Variants in STAC observed in about 807,000 individuals in gnomAD.
STAC encodes the protein SH3 and cysteine rich domain.
Under a neutral mutation model 48.8 loss-of-function variants are expected in STAC, and 43 were observed. The ratio of observed to expected loss-of-function variants is 0.88; its 90% CI spans 0.69 to 1.14. The LOEUF is 1.14. Among genes scored for constraint, STAC ranks in the 50% most tolerant of loss-of-function variants. The probability of loss-of-function intolerance (pLI) is 0.00; values close to 1 mark genes in which losing one functional copy is unlikely to be tolerated. For missense variants in STAC, 497 were observed against 504.0 expected (o/e 0.99, Z 0.13); for synonymous variants, 193 against 179.5 (o/e 1.07, Z -0.60).
intron 1 of STAC, among the ~76,000 whole-genome samples, chr3:36,400,748 C>T (rs913521060): frequency 6.6e-6 from 1 of 152,190 alleles, no homozygotes; most frequent in African/African-American, 2.4e-5. Flanking sequence ...AGACTTTGAG[C>T]ACCACTGCCA....
chr3:36,480,535 A>T (rs905621546), intron 2 of STAC, among the ~76,000 whole-genome samples: 4 of 152,082 alleles, frequency 2.6e-5, no homozygotes, highest in Non-Finnish European at 4.4e-5. Flanking sequence ...TTATTTTATC[A>T]TCCAGTTAGC....
intron 1 of STAC, among the ~76,000 whole-genome samples, chr3:36,400,340 C>CTT (rs1472776252): frequency 1.3e-5 from 2 of 152,190 alleles, no homozygotes; most frequent in Non-Finnish European, 2.9e-5. Context: ...ATTCGAGAGC[C>CTT]TTAATGGAGC....
chr3:36,393,035 A>G (rs1199699640), intron 1 of STAC, among the ~76,000 whole-genome samples: 1 of 152,126 alleles, frequency 6.6e-6, no homozygotes. Flanking sequence ...ACCCACTTCC[A>G]TGAGCATTCC....
In STAC at chr3:36,443,557, A is replaced by T. The variant is rs770266051; in HGVS notation, c.305A>T (p.His102Leu). The T allele has an allele frequency of 8.1e-6, 13 of 1,614,072 alleles. No homozygotes were observed. In the Admixed American group the frequency reaches 1.5e-4, roughly 19 times the overall value. ...TCCACACCCGCCAGGGCTGGTCTGC[A>T]TCCAGGTGGCAAGGCTCATGCCTTT... Reference protein sequence around the residue: ...LTSTPARAGLHPGGKAHAFQE... With the variant: ...LTSTPARAGLLPGGKAHAFQE... The change falls in exon 2 of 11, where the codon CAT becomes CTT. Residue 102 changes from histidine (H) to leucine (L), a missense_variant. By Grantham distance (99) the His-to-Leu change is moderately conservative. Coordinates refer to ENST00000273183, the MANE Select transcript of STAC (RefSeq NM_003149.3). This position sits in a 1 kb window ranked among gnomAD's most constrained non-coding sequence, Gnocchi z 4.2.
intron 5 of STAC, among the ~76,000 whole-genome samples, chr3:36,492,602 CTTG>C (rs1263120196): frequency 2.0e-5 from 3 of 152,172 alleles, no homozygotes; most frequent in Non-Finnish European, 2.9e-5. Flanking sequence ...TGTTTTTGTT[CTTG>C]TTATTTCTGT....
intron 8 of STAC, among the ~76,000 whole-genome samples, chr3:36,510,278 G>A (rs1353689478): frequency 6.6e-6 from 1 of 152,122 alleles, no homozygotes; most frequent in African/African-American, 2.4e-5. Flanking sequence ...CAGTTAGAAT[G>A]GTGATCATTA....
At chr3:36,463,802 A>G (rs1010718280) in intron 2 of STAC, among the ~76,000 whole-genome samples, 2 of 151,816 alleles carry the variant, frequency 1.3e-5, no homozygotes, top group Admixed American at 1.3e-4. Context: ...ACTGAGAATG[A>G]TGGTTTCCAG....
At chr3:36,489,352 C>T (rs1053601020) in intron 5 of STAC, among the ~76,000 whole-genome samples, 9 of 152,190 alleles carry the variant, frequency 5.9e-5, no homozygotes, top group East Asian at 1.9e-4. Context: ...CTCCGGGATC[C>T]GCACAACACT....
chr3:36,546,066 A>C, intron 10 of STAC, 125 bp from the exon 11 acceptor site: 1 of 733,022 alleles, frequency 1.4e-6, no homozygotes, highest in Non-Finnish European at 2.3e-6. Context: ...CCCACCCTAA[A>C]ACTGCTCTCC....
At chr3:36,462,870 A>AC (rs1243588885) in intron 2 of STAC, among the ~76,000 whole-genome samples, 17 of 152,144 alleles carry the variant, frequency 1.1e-4, no homozygotes, top group Non-Finnish European at 2.1e-4. Context: ...ATAGGGAAGT[A>AC]CCCTTCTGTC....
intron 8 of STAC, among the ~76,000 whole-genome samples, chr3:36,527,816 T>C (rs931635411): frequency 6.6e-6 from 1 of 152,164 alleles, no homozygotes; most frequent in African/African-American, 2.4e-5. Flanking sequence ...TAATTCTTGA[T>C]GAATGATGTA....
intron 10 of STAC, among the ~76,000 whole-genome samples, chr3:36,533,299 G>A (rs990631381): frequency 2.6e-5 from 4 of 152,020 alleles, no homozygotes; most frequent in Non-Finnish European, 4.4e-5. Flanking sequence ...TACACAACTC[G>A]CAAAGCAAAT....
At chr3:36,412,375 A>G (rs1397148466) in intron 1 of STAC, among the ~76,000 whole-genome samples, 1 of 152,172 alleles carries the variant, frequency 6.6e-6, no homozygotes, top group Non-Finnish European at 1.5e-5. Flanking sequence ...AAACTGTCAC[A>G]TGGCCATTTC....
intron 1 of STAC, among the ~76,000 whole-genome samples, chr3:36,383,694 G>A (rs76550067): frequency 0.032 from 4,845 of 152,234 alleles, 241 homozygotes; most frequent in African/African-American, 0.11. Flanking sequence ...TGAACAACCC[G>A]AACCAGCATT....
chr3:36,488,371 G>T (rs2125703333), intron 5 of STAC, among the ~76,000 whole-genome samples: 1 of 152,316 alleles, frequency 6.6e-6, no homozygotes, highest in South Asian at 2.1e-4. Context: ...ACTCATGCTT[G>T]GGCAGTGTTA....
chr3:36,546,952 C>A lies in STAC; in HGVS notation c.*663C>A, dbSNP rs1234583650. On this transcript the variant is annotated 3_prime_UTR_variant, in exon 11 of 11. Coordinates refer to ENST00000273183, the MANE Select transcript of STAC (RefSeq NM_003149.3). The stretch of plus-strand genomic sequence containing the variant: ...GCATCACCTCCAAAGACCTGACCTG[C>A]CTAAAGACTGATGACAGGCCATCCT... 2 of 152,504 alleles carry A rather than the reference C, an allele frequency of 1.3e-5. No individual in the cohort carries two copies. The highest frequency in any genetic ancestry group is 2.9e-5 in the Non-Finnish European group (2 of 68,348). 9.4% of individuals were successfully genotyped at this position (152,504 alleles called of 1,614,324 possible). A position where few individuals can be genotyped will look rare whatever the true frequency, so the allele number is the denominator to read the frequency against.
chr3:36,475,203 C>T (rs1030641811), intron 2 of STAC, among the ~76,000 whole-genome samples: 19 of 152,014 alleles, frequency 1.2e-4, no homozygotes, highest in African/African-American at 4.3e-4. Context: ...ATTGTCTCCA[C>T]ATCATTACTT....
At chr3:36,390,252 A>G (rs1384885159) in intron 1 of STAC, among the ~76,000 whole-genome samples, 1 of 152,114 alleles carries the variant, frequency 6.6e-6, no homozygotes, top group Admixed American at 6.6e-5. Flanking sequence ...TCCATTTCCA[A>G]CTAAGTCATT....
At chr3:36,471,041 C>G (rs1451631824) in intron 2 of STAC, among the ~76,000 whole-genome samples, 1 of 152,026 alleles carries the variant, frequency 6.6e-6, no homozygotes, top group Admixed American at 6.6e-5. Context: ...TTGTATTAGT[C>G]CATTTTCATG....
Sources: allele counts gnomAD v4.1 joint callset (sites outside exome capture counted in the v4.1 genomes callset), GRCh38; gene constraint gnomAD v4.1.1; non-coding constraint Gnocchi (gnomAD v3.1); transcripts MANE v1.5; gene names NCBI Gene and HGNC (gene_info 2026-07-23, HGNC 2026-07-21).